The following CNTN6 variants were observed in gnomAD, a reference collection of about 807,000 sequenced individuals.
CNTN6 encodes the protein contactin-6.
Under a neutral mutation model 122.8 loss-of-function variants are expected in CNTN6, and 137 were observed. The ratio of observed to expected loss-of-function variants is 1.12; its 90% CI spans 0.97 to 1.29. The LOEUF (loss-of-function observed/expected upper bound fraction) is 1.29, where lower values mean the gene tolerates loss of function less well. CNTN6 is among the 50% of genes most tolerant of loss of function. The probability of loss-of-function intolerance (pLI) is 0.00; values close to 1 mark genes in which losing one functional copy is unlikely to be tolerated. For synonymous variants in CNTN6, 570 were observed against 426.0 expected (o/e 1.34, Z -4.16); for missense variants, 1,634 against 1,223.4 (o/e 1.34, Z -5.01).
chr3:1,278,888 G>A (rs944526638), intron 5 of CNTN6, among the ~76,000 whole-genome samples: 1 of 151,050 alleles, frequency 6.6e-6, no homozygotes, highest in Non-Finnish European at 1.5e-5. Context: ...GACATTAACT[G>A]TTTGTTTGTT....
chr3:1,253,857 G>A (rs2094710313), intron 4 of CNTN6, among the ~76,000 whole-genome samples: 1 of 152,130 alleles, frequency 6.6e-6, no homozygotes, highest in Non-Finnish European at 1.5e-5. Context: ...GTTGGGGACT[G>A]CTGATCTAAG....
chr3:1,202,337 A>G (rs4684803), intron 2 of CNTN6, among the ~76,000 whole-genome samples: 113,598 of 151,524 alleles, frequency 0.75, 43,600 homozygotes, highest in East Asian at 0.93. Context: ...TCAGGATATC[A>G]AGACCATCCT....
At chr3:1,158,851 T>TATATATACA (rs2093047158) in intron 2 of CNTN6, among the ~76,000 whole-genome samples, 1 of 83,904 alleles carries the variant, frequency 1.2e-5, no homozygotes, top group South Asian at 4.4e-4. Context: ...TATATATACA[T>TATATATACA]ACATATATAT....
chr3:1,345,580 G>C lies in CNTN6; in HGVS notation c.1365-6744G>C, dbSNP rs571207893. On this transcript the variant is annotated intron_variant, in intron 11 of 22. Coordinates refer to ENST00000446702, the MANE Select transcript of CNTN6 (RefSeq NM_001289080.2). ...AAAAGATAGCTTATTAAATGACAGT[G>C]ACATTAGCATAGATATTACACATTA... Among the ~76,000 whole-genome samples, 3 of 152,260 alleles carry C rather than the reference G, an allele frequency of 2.0e-5. No homozygotes were observed. The East Asian group carries it at 5.8e-4, about 29-fold the overall frequency.
intron 5 of CNTN6, among the ~76,000 whole-genome samples, chr3:1,290,589 G>A (rs555330857): frequency 5.3e-5 from 8 of 152,186 alleles, no homozygotes; most frequent in East Asian, 1.9e-4. Context: ...AATTCAGGGC[G>A]TGCCCATAGA....
At position 1,344,923 on chromosome 3, in the gene CNTN6, C is replaced by T. The variant is rs74858998; in HGVS notation, c.1365-7401C>T. Among the ~76,000 whole-genome samples, 576 of 152,150 alleles carry T rather than the reference C, an allele frequency of 3.8e-3. 5 individuals carry two copies. The highest frequency in any genetic ancestry group is 0.013 in the African/African-American group (545 of 41,516). On this transcript the variant is annotated intron_variant, in intron 11 of 22. Transcript: ENST00000446702. ...TTTAGGTTTGTTTCCTCTGGTCCCT[C>T]GATCATGTCTCTCTTGAGACAGTAC...
chr3:1,360,478 A>T (rs77018479), intron 12 of CNTN6, among the ~76,000 whole-genome samples: 4,387 of 152,054 alleles, frequency 0.029, 227 homozygotes, highest in African/African-American at 0.099. Context: ...CTGTTATTTA[A>T]ATGTTATATT....
rs187506004 is a variant in CNTN6 at position 1,142,433 on chromosome 3, A to C, written c.-82-5494A>C. 1.5e-4 allele frequency among the ~76,000 whole-genome samples: 23 copies of C among 152,198 alleles called. No individual in the cohort carries two copies. In the East Asian group the frequency reaches 4.4e-3, roughly 29 times the overall value. On this transcript the variant is annotated intron_variant, in intron 1 of 22. Coordinates refer to ENST00000446702, the MANE Select transcript of CNTN6 (RefSeq NM_001289080.2). ...GTCTGCAGCTACTTCAAAATACAGG[A>C]CTGCATCTTTTTCTACTACATAGAT...
At chr3:1,319,500 GT>G (rs1224393161) in intron 7 of CNTN6, among the ~76,000 whole-genome samples, 3 of 151,454 alleles carry the variant, frequency 2.0e-5, no homozygotes, top group Middle Eastern at 6.3e-3. Flanking sequence ...TTGTCAAAAT[GT>G]TCAGTTACTT....
intron 5 of CNTN6, among the ~76,000 whole-genome samples, chr3:1,278,903 T>G (rs1559690558): frequency 6.6e-6 from 1 of 152,196 alleles, no homozygotes; most frequent in East Asian, 1.9e-4. Context: ...TTTGTTTGTT[T>G]GTTCAGTTTT....
At chr3:1,109,812 T>G (rs1335628095) in intron 1 of CNTN6, among the ~76,000 whole-genome samples, 2 of 152,114 alleles carry the variant, frequency 1.3e-5, no homozygotes, top group Non-Finnish European at 2.9e-5. Flanking sequence ...GTATACAACC[T>G]TATTAGCTTC....
rs529301841 is a variant in CNTN6 at position 1,403,688 on chromosome 3, A to T, written c.*270A>T. ...AACTGCTGTGTCTTTTAAGTTACTT[A>T]TATGGAGAAAATAAATAACTCCCCT... On this transcript the variant is annotated 3_prime_UTR_variant, in exon 23 of 23. Transcript: ENST00000446702. The T allele has an allele frequency of 8.9e-6, 2 of 224,392 alleles. No individual in the cohort carries two copies. The highest frequency in any genetic ancestry group is 4.6e-5 in the African/African-American group (2 of 43,898). 13.9% of individuals were successfully genotyped at this position (224,392 alleles called of 1,614,324 possible). A position where few individuals can be genotyped will look rare whatever the true frequency, so the allele number is the denominator to read the frequency against.
At chr3:1,156,827 C>G (rs576389737) in intron 2 of CNTN6, among the ~76,000 whole-genome samples, 15 of 152,204 alleles carry the variant, frequency 9.9e-5, no homozygotes, top group Non-Finnish European at 1.5e-4. Context: ...AAACAATCCT[C>G]CTACCTCAGC....
intron 12 of CNTN6, among the ~76,000 whole-genome samples, chr3:1,356,392 A>G (rs1217377258): frequency 2.6e-5 from 4 of 151,836 alleles, no homozygotes; most frequent in Non-Finnish European, 5.9e-5. Flanking sequence ...TTAGTTGTTT[A>G]TTCTTCGTGA....
intron 2 of CNTN6, among the ~76,000 whole-genome samples, chr3:1,204,509 T>C (rs1204739526): frequency 6.6e-6 from 1 of 152,148 alleles, no homozygotes; most frequent in African/African-American, 2.4e-5. Flanking sequence ...CAAACTGAAA[T>C]ACATACATAC....
intron 1 of CNTN6, among the ~76,000 whole-genome samples, chr3:1,102,951 C>CA (rs1431441679): frequency 2.0e-5 from 3 of 149,138 alleles, no homozygotes; most frequent in African/African-American, 5.0e-5. Flanking sequence ...ACCAAAAATA[C>CA]AAGAAATTAG....
chr3:1,236,224 A>T (rs1277697184), intron 4 of CNTN6, among the ~76,000 whole-genome samples: 1 of 151,580 alleles, frequency 6.6e-6, no homozygotes, highest in Middle Eastern at 3.4e-3. Flanking sequence ...CATCCTCCGT[A>T]TAGGACCACA....
chr3:1,322,513 C>A (rs1198487107), intron 8 of CNTN6, among the ~76,000 whole-genome samples: 5 of 151,604 alleles, frequency 3.3e-5, no homozygotes, highest in Admixed American at 3.3e-4. Context: ...TCCTTAACTT[C>A]TTTGATAAAC....
At chr3:1,204,232 A>G (rs1054203404) in intron 2 of CNTN6, among the ~76,000 whole-genome samples, 1 of 152,198 alleles carries the variant, frequency 6.6e-6, no homozygotes, top group Non-Finnish European at 1.5e-5. Flanking sequence ...CCACACTGCA[A>G]TATCTCAATG....
Sources: allele counts gnomAD v4.1 joint callset (sites outside exome capture counted in the v4.1 genomes callset), GRCh38; gene constraint gnomAD v4.1.1; transcripts MANE v1.5; gene names NCBI Gene and HGNC (gene_info 2026-07-23, HGNC 2026-07-21).